GALNT10: variants seen among roughly 807,000 people sequenced by gnomAD.
The protein encoded by GALNT10 is GalNAc transferase 10.
A neutral mutation model predicts 75.0 loss-of-function variants in GALNT10; 41 were observed. The observed-to-expected ratio is 0.55, with a 90% CI of 0.43 to 0.71. The LOEUF (loss-of-function observed/expected upper bound fraction) is 0.71, where lower values mean the gene tolerates loss of function less well. GALNT10 is among the 30% of genes least tolerant of loss of function. The pLI is 0.00. For synonymous variants in GALNT10, 302 were observed against 313.0 expected (o/e 0.96, Z 0.37); for missense variants, 727 against 818.5 (o/e 0.89, Z 1.36).
chr5:154,307,152 C>T (rs1020870899), intron 3 of GALNT10, among the ~76,000 whole-genome samples: 1 of 152,322 alleles, frequency 6.6e-6, no homozygotes, highest in Admixed American at 6.5e-5. Flanking sequence ...GCTGAAATGA[C>T]AGATTCTTTG....
intron 1 of GALNT10, among the ~76,000 whole-genome samples, chr5:154,248,855 A>G (rs137973963): frequency 6.6e-6 from 1 of 152,332 alleles, no homozygotes; most frequent in East Asian, 1.9e-4. Flanking sequence ...CATGCTGGTC[A>G]TATAGAGGAG....
At chr5:154,287,003 CACT>C (rs1259403742) in intron 1 of GALNT10, among the ~76,000 whole-genome samples, 1 of 152,200 alleles carries the variant, frequency 6.6e-6, no homozygotes. Context: ...AGGTCAGCCT[CACT>C]TAAGTCTGAC....
At chr5:154,258,723 G>T (rs1207223541) in intron 1 of GALNT10, among the ~76,000 whole-genome samples, 1 of 152,132 alleles carries the variant, frequency 6.6e-6, no homozygotes, top group Non-Finnish European at 1.5e-5. Context: ...CTCCAGGCAG[G>T]TGCAGGGTAT....
chr5:154,283,786 C>T (rs904816741), intron 1 of GALNT10, among the ~76,000 whole-genome samples: 3 of 152,186 alleles, frequency 2.0e-5, no homozygotes, highest in African/African-American at 4.8e-5. Context: ...AGCCAGCCAG[C>T]CCAAAGAGCC....
chr5:154,238,111 G>A (rs72808611), intron 1 of GALNT10, among the ~76,000 whole-genome samples: 5,072 of 152,176 alleles, frequency 0.033, 109 homozygotes, highest in Middle Eastern at 0.1. Context: ...AGGCATTTGG[G>A]GTCTAGAAGG....
intron 1 of GALNT10, among the ~76,000 whole-genome samples, chr5:154,282,077 G>T (rs917174769): frequency 6.6e-6 from 1 of 152,204 alleles, no homozygotes; most frequent in Admixed American, 6.5e-5. Flanking sequence ...TGGGAAGTCC[G>T]AGATCAAGGG....
chr5:154,285,950 T>C (rs1754105054), intron 1 of GALNT10, among the ~76,000 whole-genome samples: 1 of 152,198 alleles, frequency 6.6e-6, no homozygotes, highest in African/African-American at 2.4e-5. Flanking sequence ...TCTTTGCATA[T>C]CTTTACTTTT....
chr5:154,314,054 C>T (rs1223548703), intron 3 of GALNT10, among the ~76,000 whole-genome samples: 1 of 152,126 alleles, frequency 6.6e-6, no homozygotes, highest in Non-Finnish European at 1.5e-5. Flanking sequence ...GAACTTACAC[C>T]ATTTGCTGGA....
In GALNT10 at chr5:154,419,268, C is replaced by CGTTTA. The variant is rs1390185260; in HGVS notation, c.*2299_*2303dup. The CGTTTA allele has an allele frequency of 6.6e-6, 1 of 152,068 alleles. No individual in the cohort carries two copies. Among genetic ancestry groups the CGTTTA allele is most frequent in the Admixed American group, 6.6e-5 (1 of 15,258 alleles). The allele number at this position is 152,068 out of a possible 1,614,324, so 9.4% of individuals were successfully genotyped here. A position where few individuals can be genotyped will look rare whatever the true frequency, so the allele number is the denominator to read the frequency against. On this transcript the variant is annotated 3_prime_UTR_variant, in exon 12 of 12. Coordinates refer to ENST00000297107, the MANE Select transcript of GALNT10 (RefSeq NM_198321.4). ...ACTCCAAACTAAAGGCTGGGCAGTG[C>CGTTTA]GTTTAGTCTGTGGCCTAGAAGACCT...
At chr5:154,237,051 C>G (rs1484581575) in intron 1 of GALNT10, among the ~76,000 whole-genome samples, 1 of 152,166 alleles carries the variant, frequency 6.6e-6, no homozygotes, top group Non-Finnish European at 1.5e-5. Flanking sequence ...AAAGATAGAG[C>G]TAGGATTTGG....
At chr5:154,216,457 CTA>C (rs1193517874) in intron 1 of GALNT10, among the ~76,000 whole-genome samples, 1 of 152,136 alleles carries the variant, frequency 6.6e-6, no homozygotes, top group Non-Finnish European at 1.5e-5. Context: ...CATTGGGCAA[CTA>C]AAACCAAACA....
At chr5:154,206,615 G>C (rs1020219940) in intron 1 of GALNT10, among the ~76,000 whole-genome samples, 16 of 152,258 alleles carry the variant, frequency 1.1e-4, no homozygotes, top group African/African-American at 3.9e-4. Context: ...TGGTCCTGAA[G>C]AAGGTTAAAA....
At chr5:154,230,754 T>G (rs1315583667) in intron 1 of GALNT10, among the ~76,000 whole-genome samples, 5 of 152,180 alleles carry the variant, frequency 3.3e-5, no homozygotes, top group African/African-American at 1.2e-4. Context: ...CCTTTCCTCC[T>G]GTGCACTTCC....
At chr5:154,300,728 G>A (rs1754345778) in intron 3 of GALNT10, among the ~76,000 whole-genome samples, 1 of 152,230 alleles carries the variant, frequency 6.6e-6, no homozygotes, top group South Asian at 2.1e-4. Flanking sequence ...TCTTCTGCAA[G>A]GGGTGGGGAT....
At chr5:154,223,701 C>T (rs558079455) in intron 1 of GALNT10, among the ~76,000 whole-genome samples, 1 of 151,950 alleles carries the variant, frequency 6.6e-6, no homozygotes, top group African/African-American at 2.4e-5. Flanking sequence ...GGGTGGATCA[C>T]CTGAGGTTAG....
chr5:154,307,568 C>T (rs1296736410), intron 3 of GALNT10, among the ~76,000 whole-genome samples: 3 of 149,116 alleles, frequency 2.0e-5, no homozygotes, highest in Admixed American at 6.7e-5. Flanking sequence ...TGCAGTGAGT[C>T]GAGATCGCAC....
intron 9 of GALNT10, among the ~76,000 whole-genome samples, chr5:154,410,256 C>A: frequency 6.6e-6 from 1 of 152,080 alleles, no homozygotes; most frequent in East Asian, 1.9e-4. Context: ...AACTAAGGAG[C>A]CAGGCACAGT....
intron 9 of GALNT10, among the ~76,000 whole-genome samples, chr5:154,411,668 T>G (rs938345634): frequency 6.6e-6 from 1 of 152,184 alleles, no homozygotes; most frequent in Admixed American, 6.5e-5. Context: ...CAACATCACC[T>G]CCAGTTTGCA....
Position 154,371,563 on chromosome 5 carries a change from TACAC to T in GALNT10, c.569-4697_569-4694del, listed in dbSNP as rs796318005. ...GTGTGTGTGTGTGTGTGTGTGTGTGTACACACACACACACACACACGTGTGCACA... is the reference window on the plus strand; with the variant it reads ...GTGTGTGTGTGTGTGTGTGTGTGTGTACACACACACACACACGTGTGCACA... On this transcript the variant is annotated intron_variant, in intron 4 of 11. Transcript: ENST00000297107. Among the ~76,000 whole-genome samples the T allele has an allele frequency of 1.8e-3, 90 of 51,006 alleles. 2 individuals are homozygous for T. The South Asian group carries it at 0.025, about 14-fold the overall frequency. 33.5% of individuals were successfully genotyped at this position (51,006 alleles called of 152,430 possible).
Sources: allele counts gnomAD v4.1 joint callset (sites outside exome capture counted in the v4.1 genomes callset), GRCh38; gene constraint gnomAD v4.1.1; transcripts MANE v1.5; gene names NCBI Gene and HGNC (gene_info 2026-07-23, HGNC 2026-07-21).